The following ZNF407 variants were observed in gnomAD, a reference collection of about 807,000 sequenced individuals.
The protein encoded by ZNF407 is zinc finger protein 407.
Under a neutral mutation model 131.2 loss-of-function variants are expected in ZNF407, and 17 were observed. The observed-to-expected ratio is 0.13, with a 90% CI of 0.09 to 0.19. ZNF407 has a LOEUF of 0.19. ZNF407 is among the 10% of genes least tolerant of loss of function. The probability of loss-of-function intolerance (pLI) is 1.00; values close to 1 mark genes in which losing one functional copy is unlikely to be tolerated. For synonymous variants in ZNF407, 1,156 were observed against 1,062.0 expected, an observed-to-expected ratio of 1.09 and a Z score of -1.72; for missense variants, 2,681 against 2,830.6, an observed-to-expected ratio of 0.95 and a Z score of 1.20.
chr18:74,634,885 A>G lies in ZNF407; in HGVS notation c.3866A>G (p.His1289Arg), dbSNP rs770332095. 29 of 1,613,540 alleles carry G rather than the reference A, an allele frequency of 1.8e-5. No homozygotes were observed. The highest frequency in any genetic ancestry group is 5.1e-6 in the Non-Finnish European group (6 of 1,179,728). Residue 1289 changes from histidine (H) to arginine (R), a missense_variant, in exon 2 of 9, where the codon CAT becomes CGT. Physicochemically the swap from His to Arg is conservative, Grantham distance 29. Around this residue, in one of 6 missense-constraint regions of ZNF407, gnomAD observed 1,789 missense variants for 1,748.7 expected, o/e 1.02. Transcript: ENST00000299687. ...SGGQNRVARG[H>R]GLEDLKGVQE... ...GGTCAGAACAGAGTTGCACGTGGGC[A>G]TGGTTTGGAAGACTTGAAAGGTGTC...
At chr18:74,882,795 G>C (rs1347905672) in intron 6 of ZNF407, among the ~76,000 whole-genome samples, 1 of 152,164 alleles carries the variant, frequency 6.6e-6, no homozygotes, top group Non-Finnish European at 1.5e-5. Context: ...AATTGTTCTT[G>C]ACCACTGTTG....
chr18:74,611,490 G>A (rs1250536994), intron 1 of ZNF407, among the ~76,000 whole-genome samples: 3 of 152,152 alleles, frequency 2.0e-5, no homozygotes, highest in African/African-American at 7.2e-5. Context: ...AAACTTGAAT[G>A]CAAAAATGCT....
intron 8 of ZNF407, among the ~76,000 whole-genome samples, chr18:75,027,228 C>T (rs1454098805): frequency 6.6e-6 from 1 of 152,184 alleles, no homozygotes; most frequent in Non-Finnish European, 1.5e-5. Flanking sequence ...ACATTCAAGG[C>T]AACAAGTGAG....
intron 7 of ZNF407, among the ~76,000 whole-genome samples, chr18:74,915,431 G>A (rs530100627): frequency 1.4e-5 from 2 of 147,232 alleles, no homozygotes; most frequent in Non-Finnish European, 3.0e-5. Flanking sequence ...GTGTGCATGT[G>A]TGTACTGGTA....
rs534352528 is a variant in ZNF407 at position 74,815,718 on chromosome 18, G to A, written c.4877+34216G>A. On this transcript the variant is annotated intron_variant, in intron 4 of 8. Transcript: ENST00000299687. Reference sequence around the variant, plus strand: ...TTAGCAGTTATTGGGAGCAAGATTCGAAGTAAATCAGTCTCTGTACAGAGG... The same window carrying A: ...TTAGCAGTTATTGGGAGCAAGATTCAAAGTAAATCAGTCTCTGTACAGAGG... Among the ~76,000 whole-genome samples the A allele has an allele frequency of 2.6e-5, 4 of 152,206 alleles. 1 individual carries two copies. In the South Asian group the frequency reaches 6.2e-4, roughly 24 times the overall value.
At chr18:75,027,048 C>T (rs191493202) in intron 8 of ZNF407, among the ~76,000 whole-genome samples, 18 of 152,294 alleles carry the variant, frequency 1.2e-4, no homozygotes, top group Admixed American at 2.6e-4. Context: ...ATGTGGCCTG[C>T]GATGGAGAGT....
In ZNF407 at chr18:74,846,731, C is replaced by T. The variant is rs528348902; in HGVS notation, c.4878-30466C>T. Among the ~76,000 whole-genome samples, 10 of 151,960 alleles carry T rather than the reference C, an allele frequency of 6.6e-5. No homozygotes were observed. In the South Asian group the frequency reaches 8.3e-4, roughly 13 times the overall value. On this transcript the variant is annotated intron_variant, in intron 4 of 8. Transcript: ENST00000299687. ...GTTTACAGCCAGGCACCTTGGCTCACGCCTGTAACCCCAGCACTTTGGGAG... is the reference window on the plus strand; with the variant it reads ...GTTTACAGCCAGGCACCTTGGCTCATGCCTGTAACCCCAGCACTTTGGGAG...
chr18:74,738,146 G>T (rs1490904952), intron 3 of ZNF407, among the ~76,000 whole-genome samples: 1 of 152,096 alleles, frequency 6.6e-6, no homozygotes, highest in Non-Finnish European at 1.5e-5. Flanking sequence ...GTTGGGCCAG[G>T]TGCGGTGGCT....
intron 1 of ZNF407, among the ~76,000 whole-genome samples, chr18:74,610,813 C>T (rs1217525397): frequency 1.3e-5 from 2 of 152,096 alleles, no homozygotes; most frequent in Non-Finnish European, 2.9e-5. Flanking sequence ...CTCAGCCTCC[C>T]GAAGTGCTGA....
At chr18:74,765,594 CTA>C (rs1969210654) in intron 3 of ZNF407, among the ~76,000 whole-genome samples, 1 of 152,184 alleles carries the variant, frequency 6.6e-6, no homozygotes, top group South Asian at 2.1e-4. Flanking sequence ...AGCCCAAACA[CTA>C]TTTTTTTCTT....
At chr18:75,031,508 T>C (rs1973240124) in intron 8 of ZNF407, among the ~76,000 whole-genome samples, 1 of 152,230 alleles carries the variant, frequency 6.6e-6, no homozygotes, top group Non-Finnish European at 1.5e-5. Context: ...TAGTTTGCGT[T>C]AGACAGATGG....
chr18:74,855,828 C>T (rs2145152643), intron 4 of ZNF407, among the ~76,000 whole-genome samples: 1 of 152,282 alleles, frequency 6.6e-6, no homozygotes, highest in Admixed American at 6.5e-5. Context: ...GGTGGAAACA[C>T]CTAACAACAG....
In ZNF407 at chr18:74,703,373, C is replaced by T. The variant is rs1336081246; in HGVS notation, c.4802+62251C>T. 6.6e-6 allele frequency among the ~76,000 whole-genome samples: 1 copy of T among 152,142 alleles called. No individual in the cohort carries two copies. The highest frequency in any genetic ancestry group is 6.6e-5 in the Admixed American group (1 of 15,258). Reference sequence around the variant, plus strand: ...TGTGTCTCTGTCTCTGTCTCTCTCTCTCTCTTTTCTGAGATGGAGTTTCAC... The same window carrying T: ...TGTGTCTCTGTCTCTGTCTCTCTCTTTCTCTTTTCTGAGATGGAGTTTCAC... On this transcript the variant is annotated intron_variant, in intron 3 of 8. Transcript: ENST00000299687. The surrounding 1 kb of genome is among the most constrained non-coding windows in gnomAD (Gnocchi z 4.1).
At chr18:74,690,407 G>A (rs1967192345) in intron 3 of ZNF407, among the ~76,000 whole-genome samples, 1 of 150,934 alleles carries the variant, frequency 6.6e-6, no homozygotes, top group Admixed American at 6.6e-5. Context: ...ACATTTTGGG[G>A]GAAATGTCAT....
rs767522024 is a variant in ZNF407, at chr18:74,634,818, G to C, written c.3799G>C (p.Val1267Leu). The C allele has an allele frequency of 5.0e-6, 8 of 1,613,996 alleles. No homozygotes were observed. In the East Asian group the frequency reaches 1.8e-4, roughly 36 times the overall value. The change falls in exon 2 of 9, where the codon GTG becomes CTG. Residue 1267 changes from valine (V) to leucine (L), a missense_variant. Physicochemically the swap from Val to Leu is conservative, Grantham distance 32. Around this residue, in one of 6 missense-constraint regions of ZNF407, gnomAD observed 1,789 missense variants for 1,748.7 expected, o/e 1.02. Coordinates refer to ENST00000299687, the MANE Select transcript of ZNF407 (RefSeq NM_017757.3). ...CTCGGCTGAAAGCCCTGTGCTCGTTGTGACAAGAATAACCAGAGAACAGGG... is the reference window on the plus strand; with the variant it reads ...CTCGGCTGAAAGCCCTGTGCTCGTTCTGACAAGAATAACCAGAGAACAGGG... ...ERSAESPVLVVTRITREQGNL... is the reference protein window; with the variant it reads ...ERSAESPVLVLTRITREQGNL...
intron 8 of ZNF407, among the ~76,000 whole-genome samples, chr18:74,961,783 T>C (rs943594691): frequency 3.9e-5 from 6 of 152,110 alleles, no homozygotes; most frequent in Non-Finnish European, 2.9e-5. Context: ...CTGTGGTTTT[T>C]AGCTGGGTTG....
chr18:74,993,553 A>G (rs1972743811), intron 8 of ZNF407, among the ~76,000 whole-genome samples: 1 of 152,228 alleles, frequency 6.6e-6, no homozygotes, highest in Non-Finnish European at 1.5e-5. Context: ...GGTGGTGGTT[A>G]CAAGGGTGAG....
At chr18:74,755,885 CT>C (rs34750560) in intron 3 of ZNF407, among the ~76,000 whole-genome samples, 127 of 25,816 alleles carry the variant, frequency 4.9e-3, no homozygotes, top group African/African-American at 0.02. Context: ...CTTTTCCTTC[CT>C]TTTTTTTTTT....
At chr18:74,917,233 T>G (rs978763833) in intron 7 of ZNF407, among the ~76,000 whole-genome samples, 2 of 152,168 alleles carry the variant, frequency 1.3e-5, no homozygotes, top group Non-Finnish European at 2.9e-5. Context: ...ACACTCACTC[T>G]CATTTCCCCA....
Sources: allele counts gnomAD v4.1 joint callset (sites outside exome capture counted in the v4.1 genomes callset), GRCh38; gene constraint gnomAD v4.1.1; regional missense constraint gnomAD v4.1.1; non-coding constraint Gnocchi (gnomAD v3.1); transcripts MANE v1.5; gene names NCBI Gene and HGNC (gene_info 2026-07-23, HGNC 2026-07-21).